LMO1: variants seen among roughly 807,000 people sequenced by gnomAD.
The protein encoded by LMO1 is LIM domain only 1, also known as rhombotin-1.
In LMO1, 10 loss-of-function variants were observed where a neutral mutation model predicts 18.0. The ratio of observed to expected loss-of-function variants is 0.55; its 90% CI spans 0.34 to 0.94. The LOEUF is 0.94. Among genes scored for constraint, LMO1 ranks in the 40% least tolerant of loss-of-function variants. LMO1 has a pLI of 0.02. For missense variants in LMO1, 183 were observed against 205.7 expected, an observed-to-expected ratio of 0.89 and a Z score of 0.68; for synonymous variants, 77 against 77.9, an observed-to-expected ratio of 0.99 and a Z score of 0.06.
At chr11:8,227,202 T>A in intron 2 of LMO1, 102 bp from the exon 3 acceptor site, 1 of 1,518,648 alleles carries the variant, frequency 6.6e-7, no homozygotes, top group Non-Finnish European at 8.8e-7. Context: ...ATACTCCAAC[T>A]TGTGGGCTCA....
At chr11:8,251,968 G>T (rs1475178564) in intron 1 of LMO1, among the ~76,000 whole-genome samples, 4 of 120,990 alleles carry the variant, frequency 3.3e-5, no homozygotes, top group African/African-American at 1.3e-4. Context: ...GTTTGTGTGT[G>T]GGGGTGTGCG....
chr11:8,230,459 C>T lies in LMO1; in HGVS notation c.71G>A (p.Cys24Tyr). 6.2e-7 allele frequency: 1 copy of T among 1,613,894 alleles called. No individual in the cohort carries two copies. Among genetic ancestry groups the T allele is most frequent in the Non-Finnish European group, 8.5e-7 (1 of 1,179,904 alleles). ...SVQPKGKQKG[C>Y]AGCNRKIKDR... ...CTTGATCTTGCGGTTACAGCCCGCA[C>T]AGCCCTTCTGCTTCCCTTTGGGCTG... Residue 24 changes from cysteine (C) to tyrosine (Y), a missense_variant, in exon 2 of 4, where the codon TGT (cysteine) becomes TAT (tyrosine). Physicochemically the swap from Cys to Tyr is radical, Grantham distance 194. Transcript: ENST00000335790.
At chr11:8,236,100 TG>T (rs1191843485) in intron 1 of LMO1, among the ~76,000 whole-genome samples, 1 of 152,124 alleles carries the variant, frequency 6.6e-6, no homozygotes, top group Non-Finnish European at 1.5e-5. Context: ...ACCAGCCACA[TG>T]GGAAGCAGTT....
upstream of LMO1, chr11:8,268,330 C>G (rs1018940673): frequency 1.2e-5 from 13 of 1,111,142 alleles, no homozygotes; most frequent in Non-Finnish European, 1.4e-5. Flanking sequence ...AGGGCTCTGC[C>G]GCCGCTAGCG....
chr11:8,233,805 A>G (rs1319163761), intron 1 of LMO1, among the ~76,000 whole-genome samples: 1 of 148,790 alleles, frequency 6.7e-6, no homozygotes, highest in East Asian at 2.0e-4. Context: ...TGCACTTTCC[A>G]TTAAGGAGAT....
intron 1 of LMO1, among the ~76,000 whole-genome samples, chr11:8,247,832 A>G (rs1846921683): frequency 6.6e-6 from 1 of 152,224 alleles, no homozygotes; most frequent in Non-Finnish European, 1.5e-5. Context: ...CCAAAGTTCT[A>G]TGAGGCCCAG....
intron 1 of LMO1, among the ~76,000 whole-genome samples, chr11:8,232,153 G>C (rs1952673690): frequency 6.6e-6 from 1 of 152,198 alleles, no homozygotes; most frequent in Non-Finnish European, 1.5e-5. Context: ...AGTGTGCAGG[G>C]CCAGTGGCTC....
chr11:8,253,525 G>C (rs1045085292), intron 1 of LMO1, among the ~76,000 whole-genome samples: 6 of 152,144 alleles, frequency 3.9e-5, no homozygotes, highest in African/African-American at 1.2e-4. Flanking sequence ...CTTCCTATTT[G>C]TTTTACAAAT....
At position 8,263,847 on chromosome 11, in the gene LMO1, C is replaced by T. The variant is rs896983429; in HGVS notation, c.-485G>A. 2 of 1,047,692 alleles carry T rather than the reference C, an allele frequency of 1.9e-6. No homozygotes were observed. The highest frequency in any genetic ancestry group is 1.7e-5 in the African/African-American group (1 of 58,910). 64.9% of individuals were successfully genotyped at this position (1,047,692 alleles called of 1,614,324 possible). On this transcript the variant is annotated 5_prime_UTR_variant, in exon 1 of 4. Transcript: ENST00000335790. ...TCAAAGAGATGGGGGAATCTCGTGG[C>T]CGTCTCCCGCTGCCTTTCTCCCTCA...
intron 1 of LMO1, among the ~76,000 whole-genome samples, chr11:8,258,965 G>A (rs959595994): frequency 5.3e-5 from 8 of 152,168 alleles, no homozygotes; most frequent in Admixed American, 2.0e-4. Flanking sequence ...CCTGCTCCCT[G>A]TAATTGGGCA....
In LMO1 at chr11:8,224,517, G is replaced by A. The variant is rs928493541; in HGVS notation, c.*99C>T. The A allele has an allele frequency of 2.0e-5, 14 of 687,622 alleles. No individual in the cohort carries two copies. Among genetic ancestry groups the A allele is most frequent in the African/African-American group, 7.2e-5 (4 of 55,850 alleles). 42.6% of individuals were successfully genotyped at this position (687,622 alleles called of 1,614,324 possible). ...AGAAGTTCTAATGTGGCAGGAGAGC[G>A]GCTGGCCAGCCTGCACTGGTAGAGT... On this transcript the variant is annotated 3_prime_UTR_variant, in exon 4 of 4. Coordinates refer to ENST00000335790, the MANE Select transcript of LMO1 (RefSeq NM_002315.3).
chr11:8,233,709 C>A (rs1381464306), intron 1 of LMO1, among the ~76,000 whole-genome samples: 2 of 151,272 alleles, frequency 1.3e-5, no homozygotes, highest in East Asian at 2.0e-4. Flanking sequence ...CCTAGCCCCC[C>A]ACCCAATCTG....
At chr11:8,251,993 CGTGT>C (rs36146184) in intron 1 of LMO1, among the ~76,000 whole-genome samples, 12 of 142,308 alleles carry the variant, frequency 8.4e-5, no homozygotes, top group African/African-American at 1.9e-4. Context: ...TGGGGGTGTG[CGTGT>C]GTGTGTGTGA....
chr11:8,241,666 C>T (rs1846795333), intron 1 of LMO1, among the ~76,000 whole-genome samples: 1 of 152,120 alleles, frequency 6.6e-6, no homozygotes, highest in African/African-American at 2.4e-5. Flanking sequence ...AATGTCATCT[C>T]CTCAGAGAAG....
chr11:8,236,058 C>G (rs1278577633), intron 1 of LMO1, among the ~76,000 whole-genome samples: 1 of 152,212 alleles, frequency 6.6e-6, no homozygotes, highest in Non-Finnish European at 1.5e-5. Context: ...TAGAAGGAAG[C>G]CACCCTATCT....
chr11:8,240,678 G>T (rs1846770685), intron 1 of LMO1, among the ~76,000 whole-genome samples: 2 of 152,048 alleles, frequency 1.3e-5, no homozygotes, highest in South Asian at 4.2e-4. Flanking sequence ...TCCCTTTTAA[G>T]AAGGCACCAA....
intron 1 of LMO1, among the ~76,000 whole-genome samples, chr11:8,259,997 C>T (rs749422222): frequency 2.0e-5 from 3 of 152,168 alleles, no homozygotes; most frequent in Non-Finnish European, 2.9e-5. Context: ...CCCCCACCTT[C>T]CTGCTGGGCC....
intron 3 of LMO1, among the ~76,000 whole-genome samples, chr11:8,225,809 C>T (rs1054023696): frequency 7.2e-5 from 11 of 152,212 alleles, no homozygotes; most frequent in Non-Finnish European, 1.3e-4. Flanking sequence ...GGCCAGAGCC[C>T]CCAGCCAGAC....
chr11:8,228,607 C>A (rs1952592764), intron 2 of LMO1, among the ~76,000 whole-genome samples: 1 of 151,738 alleles, frequency 6.6e-6, no homozygotes, highest in South Asian at 2.1e-4. Flanking sequence ...CATCCCAGCC[C>A]ACTGGTCTAG....
Sources: gnomAD v4.1 joint callset for allele counts (sites outside exome capture counted in the v4.1 genomes callset) on GRCh38, gnomAD v4.1.1 for gene constraint, MANE v1.5 for transcripts, NCBI Gene and HGNC (gene_info 2026-07-23, HGNC 2026-07-21) for gene names.